Variants in LRP2 observed in about 807,000 individuals in gnomAD.
LRP2 encodes LDL receptor related protein 2.
In LRP2, 172 loss-of-function variants were observed where a neutral mutation model predicts 531.0. The observed-to-expected ratio is 0.32, with a 90% CI of 0.29 to 0.37. The LOEUF is 0.37. Among genes scored for constraint, LRP2 ranks in the 10% least tolerant of loss-of-function variants. The pLI, the probability that LRP2 is intolerant of heterozygous loss-of-function variation, is 1.00. For synonymous variants in LRP2, 1,992 were observed against 2,027.6 expected (o/e 0.98, Z 0.47); for missense variants, 5,167 against 5,868.3 (o/e 0.88, Z 3.90).
At chr2:169,343,601 G>T (rs1034383644) in intron 1 of LRP2, among the ~76,000 whole-genome samples, 3 of 152,140 alleles carry the variant, frequency 2.0e-5, no homozygotes, top group Non-Finnish European at 4.4e-5. Context: ...AACACCCATT[G>T]TATAGTCCAG....
rs142245618 is a variant in LRP2, at chr2:169,132,617, A to G, written c.13685T>C (p.Val4562Ala). The G allele has an allele frequency of 2.9e-3, 4,627 of 1,611,740 alleles. 15 individuals carry two copies. The highest frequency in any genetic ancestry group is 3.6e-3 in the Non-Finnish European group (4,208 of 1,177,848). ...YGSPINPSEI[V>A]PETNPTSPAA... ...TGGTGAAGTTGGGTTTGTCTCTGGA[A>G]CTATCTCAGAAGGGTTTATGGGACT... Residue 4562 changes from valine (V) to alanine (A), a missense_variant, in exon 77 of 79, where the codon GTT (valine) becomes GCT (alanine). By Grantham distance (64) the Val-to-Ala change is moderately conservative (BLOSUM62 0). Transcript: ENST00000649046.
intron 30 of LRP2, 116 bp from the exon 31 acceptor site, chr2:169,231,958 G>T: frequency 8.0e-7 from 1 of 1,255,076 alleles, no homozygotes; most frequent in Non-Finnish European, 1.1e-6. Context: ...GCTTAAGTAC[G>T]TTGTTACCTC....
Position 169,167,700 on chromosome 2 carries a change from G to A in LRP2, c.11635+839C>T, listed in dbSNP as rs150332514. On this transcript the variant is annotated intron_variant, in intron 61 of 78. Coordinates refer to ENST00000649046, the MANE Select transcript of LRP2 (RefSeq NM_004525.3). Reference sequence around the variant, plus strand: ...TTCTAACATATTCCCAAGTGGCACTGACATTCCTAGTCCAGGTAAGACACT... The same window carrying A: ...TTCTAACATATTCCCAAGTGGCACTAACATTCCTAGTCCAGGTAAGACACT... 2.0e-5 allele frequency among the ~76,000 whole-genome samples: 3 copies of A among 152,122 alleles called. No individual in the cohort carries two copies. In the East Asian group the frequency reaches 5.8e-4, roughly 29 times the overall value.
chr2:169,139,494 T>G (rs899790081), intron 73 of LRP2, 49 bp downstream of exon 73: 2 of 1,611,396 alleles, frequency 1.2e-6, no homozygotes, highest in South Asian at 2.2e-5. Context: ...CAGCATTCAA[T>G]GTAGGGGCCA....
At position 169,238,077 on chromosome 2, in the gene LRP2, A is replaced by G; in HGVS notation, c.4506+14T>C. On this transcript the variant is annotated intron_variant, in intron 27 of 78. Coordinates refer to ENST00000649046, the MANE Select transcript of LRP2 (RefSeq NM_004525.3). The stretch of plus-strand genomic sequence containing the variant: ...GGAACTAGCCAGGCCAAAGGTCAAC[A>G]GAAATGTACTTACCACTCTTCTGTC... 1 of 1,612,770 alleles carries G rather than the reference A, an allele frequency of 6.2e-7. No homozygotes were observed.
chr2:169,231,374 T>C (rs1004229131), intron 31 of LRP2, among the ~76,000 whole-genome samples: 1 of 151,634 alleles, frequency 6.6e-6, no homozygotes, highest in African/African-American at 2.4e-5. Context: ...AATGAAGCTG[T>C]ACACAAACGT....
intron 48 of LRP2, among the ~76,000 whole-genome samples, chr2:169,189,738 C>T (rs942640567): frequency 6.6e-6 from 1 of 152,218 alleles, no homozygotes; most frequent in Non-Finnish European, 1.5e-5. Flanking sequence ...CTAGTAGAGG[C>T]TACTCCAGAC....
At chr2:169,167,771 T>C (rs1236731637) in intron 61 of LRP2, among the ~76,000 whole-genome samples, 1 of 151,914 alleles carries the variant, frequency 6.6e-6, no homozygotes, top group East Asian at 1.9e-4. Context: ...TCAAAGCATG[T>C]AGCAAAATGA....
rs1331345400 is a variant in LRP2, at chr2:169,157,954, AAAT to A, written c.11888-455_11888-453del. 1.1e-3 allele frequency among the ~76,000 whole-genome samples: 169 copies of A among 149,174 alleles called. 4 individuals are homozygous for A. The East Asian group carries it at 0.029, about 25-fold the overall frequency. ...TAAATAAATAAATAAATAAATAAAT[AAAT>A]AAAAGACATGGATACAGATAGGTTA... On this transcript the variant is annotated intron_variant, in intron 63 of 78. Coordinates refer to ENST00000649046, the MANE Select transcript of LRP2 (RefSeq NM_004525.3).
chr2:169,178,122 C>T (rs981174539), intron 52 of LRP2, 96 bp from the exon 53 acceptor site: 6 of 906,504 alleles, frequency 6.6e-6, no homozygotes, highest in African/African-American at 6.6e-5. Flanking sequence ...TAAAATTCTA[C>T]CTCCTAGAGA....
At chr2:169,264,092 G>T (rs1690690218) in intron 16 of LRP2, among the ~76,000 whole-genome samples, 1 of 152,080 alleles carries the variant, frequency 6.6e-6, no homozygotes, top group African/African-American at 2.4e-5. Context: ...TCTGGGGACT[G>T]TTGTGGGGTG....
rs558330634 is a variant in LRP2, at chr2:169,243,386, G to A, written c.3550+17C>T. Reference sequence around the variant, plus strand: ...CTAAATAAACATTGTGAATAAAAAAGAAGGCAATGCACTTACCACAACCAA... The same window carrying A: ...CTAAATAAACATTGTGAATAAAAAAAAAGGCAATGCACTTACCACAACCAA... On this transcript the variant is annotated intron_variant, in intron 23 of 78. Coordinates refer to ENST00000649046, the MANE Select transcript of LRP2 (RefSeq NM_004525.3). 7.4e-6 allele frequency: 12 copies of A among 1,613,688 alleles called. No individual in the cohort carries two copies. Among genetic ancestry groups the A allele is most frequent in the Admixed American group, 1.7e-5 (1 of 59,998 alleles).
rs183680127 is a variant in LRP2, at chr2:169,132,102, A to G, written c.13728+472T>C. Among the ~76,000 whole-genome samples the G allele has an allele frequency of 8.3e-4, 126 of 152,314 alleles. 1 individual carries two copies. In the Middle Eastern group the frequency reaches 0.014, roughly 16 times the overall value. On this transcript the variant is annotated intron_variant, in intron 77 of 78. Transcript: ENST00000649046. ...TTGGCCAATAATGAATAGATGGATG[A>G]TGAATGGAAAAATTAGTGCCATCTA...
At chr2:169,313,707 C>A (rs1684681796) in intron 3 of LRP2, among the ~76,000 whole-genome samples, 1 of 152,136 alleles carries the variant, frequency 6.6e-6, no homozygotes, top group Non-Finnish European at 1.5e-5. Flanking sequence ...AAACTCTGTG[C>A]TGGGAGATCC....
intron 1 of LRP2, among the ~76,000 whole-genome samples, chr2:169,356,662 A>C (rs1208952607): frequency 6.6e-6 from 1 of 152,188 alleles, no homozygotes; most frequent in East Asian, 1.9e-4. Context: ...TCATCTCAAA[A>C]CACTGTAACT....
chr2:169,129,416 T>C (rs961601943), intron 77 of LRP2, among the ~76,000 whole-genome samples: 1 of 152,228 alleles, frequency 6.6e-6, no homozygotes, highest in African/African-American at 2.4e-5. Flanking sequence ...ATGCACAAGA[T>C]GCATCTGGAG....
chr2:169,338,331 A>G (rs1391017828), intron 1 of LRP2, among the ~76,000 whole-genome samples: 2 of 146,624 alleles, frequency 1.4e-5, no homozygotes, highest in African/African-American at 2.5e-5. Flanking sequence ...TGTAAGAGAG[A>G]CAGAGAAAGA....
At chr2:169,187,627 G>T (rs141630834) in intron 49 of LRP2, among the ~76,000 whole-genome samples, 2 of 152,294 alleles carry the variant, frequency 1.3e-5, no homozygotes, top group Non-Finnish European at 2.9e-5. Context: ...TTCTAGCAGA[G>T]GGATGCTTCA....
In LRP2 at chr2:169,211,654, C is replaced by T. The variant is rs62172628; in HGVS notation, c.6280+314G>A. 0.037 allele frequency among the ~76,000 whole-genome samples: 5,599 copies of T among 152,186 alleles called. 147 individuals carry two copies. Among genetic ancestry groups the T allele is most frequent in the South Asian group, 0.098 (472 of 4,820 alleles). ...ATTGCTCTGGGCCTGTGGTTCTTAG[C>T]GTGATCCATGGGCCAGCACCGTCAG... is the stretch of plus-strand genomic sequence containing the variant. On this transcript the variant is annotated intron_variant, in intron 37 of 78. Coordinates refer to ENST00000649046, the MANE Select transcript of LRP2 (RefSeq NM_004525.3).
Sources: gnomAD v4.1 joint callset for allele counts (sites outside exome capture counted in the v4.1 genomes callset) on GRCh38, gnomAD v4.1.1 for gene constraint, MANE v1.5 for transcripts, NCBI Gene and HGNC (gene_info 2026-07-23, HGNC 2026-07-21) for gene names.